RACGAP1: variants seen among roughly 807,000 people sequenced by gnomAD.
RACGAP1 encodes the protein Rac GTPase activating protein 1, also known as rac GTPase-activating protein 1.
RACGAP1 carries 30 observed loss-of-function variants against 78.1 expected under a neutral mutation model. The ratio of observed to expected loss-of-function variants is 0.38; its 90% CI spans 0.29 to 0.52. The LOEUF is 0.52. Among genes scored for constraint, RACGAP1 ranks in the 20% least tolerant of loss-of-function variants. RACGAP1 has a pLI of 0.82. For missense variants in RACGAP1, 587 were observed against 777.1 expected (o/e 0.76, Z 2.91); for synonymous variants, 231 against 264.8 (o/e 0.87, Z 1.24).
chr12:49,999,283 G>C lies in RACGAP1; in HGVS notation c.749-12C>G. 1 of 1,592,096 alleles carries C rather than the reference G, an allele frequency of 6.3e-7. No individual in the cohort carries two copies. The highest frequency in any genetic ancestry group is 8.5e-7 in the Non-Finnish European group (1 of 1,174,416). The stretch of plus-strand genomic sequence containing the variant: ...AGGTTGTAAAGTACCTAGAAAACAA[G>C]CAACTTTTAAGCTTTGTGTCTTAAG... On this transcript the variant is annotated splice_polypyrimidine_tract_variant and intron_variant, in intron 8 of 16. Transcript: ENST00000312377.
chr12:50,007,399 T>G (rs1402039115), intron 2 of RACGAP1, among the ~76,000 whole-genome samples: 1 of 152,222 alleles, frequency 6.6e-6, no homozygotes, highest in Non-Finnish European at 1.5e-5. Flanking sequence ...CATTCTTATC[T>G]CCTGCTATTG....
intron 7 of RACGAP1, 98 bp from the exon 8 acceptor site, chr12:49,999,831 G>A: frequency 4.2e-6 from 4 of 945,196 alleles, no homozygotes; most frequent in Non-Finnish European, 6.8e-6. Flanking sequence ...CTTAGTCTTA[G>A]TCAAGACTTA....
At chr12:50,010,778 C>T (rs1389198417) in intron 2 of RACGAP1, among the ~76,000 whole-genome samples, 1 of 150,932 alleles carries the variant, frequency 6.6e-6, no homozygotes, top group Non-Finnish European at 1.5e-5. Flanking sequence ...ACTAAAAATA[C>T]AAAATTAGCC....
chr12:50,019,655 G>A (rs949662822), intron 1 of RACGAP1: 2 of 149,724 alleles, frequency 1.3e-5, no homozygotes, highest in African/African-American at 2.5e-5. Flanking sequence ...GAGTCTAGGA[G>A]TTTGAGACCA....
At chr12:50,007,471 T>C (rs1949040555) in intron 2 of RACGAP1, among the ~76,000 whole-genome samples, 1 of 152,228 alleles carries the variant, frequency 6.6e-6, no homozygotes, top group African/African-American at 2.4e-5. Context: ...AACCTCCGTC[T>C]ATCTCTAAGG....
intron 1 of RACGAP1, among the ~76,000 whole-genome samples, chr12:50,018,759 G>A (rs537502706): frequency 5.3e-5 from 8 of 151,780 alleles, no homozygotes; most frequent in Admixed American, 5.2e-4. Flanking sequence ...CTAGGATGTT[G>A]AAAACTGGTT....
chr12:50,006,547 T>A lies in RACGAP1; in HGVS notation c.175A>T (p.Met59Leu). The A allele has an allele frequency of 6.2e-7, 1 of 1,614,216 alleles. No individual in the cohort carries two copies. Among genetic ancestry groups the A allele is most frequent in the Admixed American group, 1.7e-5 (1 of 60,016 alleles). Residue 59 changes from methionine to leucine, a missense_variant, in exon 3 of 17, where the codon ATG (methionine) becomes TTG (leucine). By Grantham distance (15) the Met-to-Leu change is conservative. Coordinates refer to ENST00000312377, the MANE Select transcript of RACGAP1 (RefSeq NM_001319999.2). ...HELGKYKDLLMKAETERSALD... is the reference protein window; with the variant it reads ...HELGKYKDLLLKAETERSALD... The stretch of plus-strand genomic sequence containing the variant: ...GCACTTCGCTCAGTCTCTGCTTTCA[T>A]CAAAAGATCCTTGTATTTCCCCAGC...
chr12:49,993,236 G>C (rs150272378), intron 12 of RACGAP1, among the ~76,000 whole-genome samples: 1 of 152,308 alleles, frequency 6.6e-6, no homozygotes, highest in East Asian at 1.9e-4. Context: ...AAACCATACT[G>C]TATCTAATGT....
intron 1 of RACGAP1, among the ~76,000 whole-genome samples, chr12:50,019,240 T>G (rs1313342465): frequency 6.6e-6 from 1 of 152,136 alleles, no homozygotes; most frequent in African/African-American, 2.4e-5. Context: ...CTTCCTCCAG[T>G]CCTTCCCCTA....
chr12:49,996,046 T>TCACATGG (rs1948240678), intron 10 of RACGAP1, among the ~76,000 whole-genome samples: 1 of 152,104 alleles, frequency 6.6e-6, no homozygotes, highest in Non-Finnish European at 1.5e-5. Flanking sequence ...GTGCCATGGC[T>TCACATGG]CACACCTAGA....
chr12:50,030,896 C>T (rs1049810034), intron 2 of RACGAP1, among the ~76,000 whole-genome samples: 2 of 151,216 alleles, frequency 1.3e-5, no homozygotes, highest in African/African-American at 4.9e-5. Flanking sequence ...TCTCCTGCCT[C>T]AGCCTCCAGA....
chr12:49,997,735 G>T (rs532254062), intron 9 of RACGAP1, among the ~76,000 whole-genome samples: 2 of 151,768 alleles, frequency 1.3e-5, no homozygotes, highest in South Asian at 4.2e-4. Flanking sequence ...GCGCCACCAC[G>T]CCCGGCTAAT....
intron 1 of RACGAP1, among the ~76,000 whole-genome samples, chr12:50,024,239 G>A (rs1420820828): frequency 1.3e-5 from 2 of 151,824 alleles, no homozygotes; most frequent in African/African-American, 2.4e-5. Context: ...CAGTAGCAAA[G>A]ATACGGTATC....
At chr12:50,032,344 G>A (rs1404046909) in intron 1 of RACGAP1, among the ~76,000 whole-genome samples, 1 of 152,166 alleles carries the variant, frequency 6.6e-6, no homozygotes, top group Non-Finnish European at 1.5e-5. Context: ...TGCTTTTGCA[G>A]CTCCAATAAA....
chr12:49,993,643 G>A (rs917658273), intron 12 of RACGAP1, among the ~76,000 whole-genome samples: 1 of 151,998 alleles, frequency 6.6e-6, no homozygotes, highest in African/African-American at 2.4e-5. Flanking sequence ...CAGCTACTCA[G>A]GAGGCTGAGG....
chr12:49,992,176 G>A, intron 14 of RACGAP1, 43 bp from the exon 15 acceptor site: 1 of 1,612,722 alleles, frequency 6.2e-7, no homozygotes, highest in African/African-American at 1.3e-5. Context: ...AAAGCTCAGG[G>A]CTTCTCAACT....
intron 2 of RACGAP1, among the ~76,000 whole-genome samples, chr12:50,030,639 C>T (rs1950323882): frequency 6.6e-6 from 1 of 150,560 alleles, no homozygotes; most frequent in Non-Finnish European, 1.5e-5. Context: ...CAGTAACCCG[C>T]GATTGCGCCA....
intron 1 of RACGAP1, among the ~76,000 whole-genome samples, chr12:50,024,124 G>GA (rs1224465322): frequency 3.3e-5 from 5 of 151,800 alleles, no homozygotes; most frequent in Non-Finnish European, 5.9e-5. Flanking sequence ...TCGCGCCACT[G>GA]CACTCCAGCC....
At chr12:50,009,054 ATCACTTGAGG>A (rs1949147411) in intron 2 of RACGAP1, among the ~76,000 whole-genome samples, 1 of 151,874 alleles carries the variant, frequency 6.6e-6, no homozygotes, top group South Asian at 2.1e-4. Context: ...AGGCAGGCAG[ATCACTTGAGG>A]TCAGTAGTTC....
Sources: allele counts gnomAD v4.1 joint callset (sites outside exome capture counted in the v4.1 genomes callset), GRCh38; gene constraint gnomAD v4.1.1; transcripts MANE v1.5; gene names NCBI Gene and HGNC (gene_info 2026-07-23, HGNC 2026-07-21).